The following FRAS1 variants were observed in gnomAD, a reference collection of about 807,000 sequenced individuals.
The protein encoded by FRAS1 is Fraser extracellular matrix complex subunit 1.
A neutral mutation model predicts 435.2 loss-of-function variants in FRAS1; 290 were observed. The observed-to-expected ratio is 0.67, with a 90% CI of 0.61 to 0.73. FRAS1 has a LOEUF of 0.73. Ranked by LOEUF, FRAS1 falls within the 30% of genes least tolerant of loss-of-function variation. The pLI is 0.00. For synonymous variants in FRAS1, 1,800 were observed against 1,851.0 expected (o/e 0.97, Z 0.71); for missense variants, 4,860 against 5,001.5 (o/e 0.97, Z 0.85).
intron 2 of FRAS1, among the ~76,000 whole-genome samples, chr4:78,069,255 C>T (rs1740214093): frequency 6.6e-6 from 1 of 152,180 alleles, no homozygotes; most frequent in Admixed American, 6.5e-5. Flanking sequence ...GTTTGTTCAT[C>T]TCCCAGGTGA....
intron 11 of FRAS1, among the ~76,000 whole-genome samples, chr4:78,282,322 G>A (rs941246093): frequency 2.6e-5 from 4 of 152,126 alleles, no homozygotes; most frequent in African/African-American, 9.7e-5. Context: ...TTAAAAGTAG[G>A]CCTGCAAAAG....
At chr4:78,260,183 C>G (rs1041307698) in intron 6 of FRAS1, among the ~76,000 whole-genome samples, 1 of 151,530 alleles carries the variant, frequency 6.6e-6, no homozygotes, top group Admixed American at 6.6e-5. Flanking sequence ...CTTGGCAATG[C>G]GGGCTCTTTT....
At position 78,475,497 on chromosome 4, in the gene FRAS1, T is replaced by G; in HGVS notation, c.7742T>G (p.Leu2581Arg). 3.1e-6 allele frequency: 5 copies of G among 1,613,934 alleles called. No individual in the cohort carries two copies. The highest frequency in any genetic ancestry group is 4.2e-6 in the Non-Finnish European group (5 of 1,179,834). The change falls in exon 54 of 74, where the codon CTG (leucine) becomes CGG (arginine). Residue 2581 changes from leucine to arginine, a missense_variant. Physicochemically the swap from Leu to Arg is moderately radical, Grantham distance 102 (BLOSUM62 -2). Coordinates refer to ENST00000512123, the MANE Select transcript of FRAS1 (RefSeq NM_025074.7). ...GTCACGGTGCAGAGGACTGGGAACC[T>G]GAACCAATATGCCATCGTCCTGTGT... ...VSVTVQRTGNLNQYAIVLCRT... is the reference protein window; with the variant it reads ...VSVTVQRTGNRNQYAIVLCRT...
chr4:78,528,512 T>A (rs772286950), intron 70 of FRAS1, among the ~76,000 whole-genome samples: 4 of 152,180 alleles, frequency 2.6e-5, no homozygotes, highest in Admixed American at 6.6e-5. Flanking sequence ...AATGACATCA[T>A]ACAATGTGAA....
rs897388030 is a variant in FRAS1, at chr4:78,132,880, C to A, written c.108+66864C>A. Among the ~76,000 whole-genome samples the A allele has an allele frequency of 2.6e-5, 4 of 152,112 alleles. No individual in the cohort carries two copies. In the East Asian group the frequency reaches 7.7e-4, roughly 29 times the overall value. On this transcript the variant is annotated intron_variant, in intron 2 of 73. Transcript: ENST00000512123. ...GGCCTGCATGGAAGGAATGGTTCTGCGTGTTTACATGTTTAGAGGAGCTGT... is the reference window on the plus strand; with the variant it reads ...GGCCTGCATGGAAGGAATGGTTCTGAGTGTTTACATGTTTAGAGGAGCTGT...
intron 15 of FRAS1, 56 bp from the exon 16 acceptor site, chr4:78,315,538 A>T (rs1178596957): frequency 5.8e-6 from 9 of 1,540,586 alleles, no homozygotes; most frequent in Non-Finnish European, 7.9e-6. Flanking sequence ...AATAGACTTC[A>T]CTGCTTCTTT....
intron 68 of FRAS1, 63 bp from the exon 69 acceptor site, chr4:78,522,586 G>C: frequency 9.4e-6 from 13 of 1,379,052 alleles, no homozygotes; most frequent in Non-Finnish European, 1.3e-5. Flanking sequence ...GGCTCTACCA[G>C]GTACAGTCAA....
chr4:78,328,473 CAAT>C (rs1729804824), intron 18 of FRAS1, among the ~76,000 whole-genome samples: 1 of 152,262 alleles, frequency 6.6e-6, no homozygotes, highest in South Asian at 2.1e-4. Context: ...TTTGTGTTAA[CAAT>C]ATTATTTAGC....
intron 2 of FRAS1, among the ~76,000 whole-genome samples, chr4:78,171,019 C>T (rs1400893018): frequency 2.0e-5 from 3 of 151,986 alleles, no homozygotes; most frequent in Non-Finnish European, 4.4e-5. Context: ...GTCTTAGGCA[C>T]AGTCAAGTTC....
chr4:78,242,791 T>C (rs945686717), intron 3 of FRAS1, among the ~76,000 whole-genome samples: 1 of 152,198 alleles, frequency 6.6e-6, no homozygotes. Flanking sequence ...TTTGAAGCAA[T>C]TTGTTTTGGC....
chr4:78,364,223 T>C (rs1731182383), intron 22 of FRAS1, among the ~76,000 whole-genome samples, 169 bp downstream of exon 22: 1 of 152,254 alleles, frequency 6.6e-6, no homozygotes, highest in Non-Finnish European at 1.5e-5. Flanking sequence ...TAGCAGATTA[T>C]GGCTCAGATA....
chr4:78,533,511 T>A (rs1721787674), intron 70 of FRAS1, among the ~76,000 whole-genome samples: 1 of 152,234 alleles, frequency 6.6e-6, no homozygotes, highest in Non-Finnish European at 1.5e-5. Flanking sequence ...ATATTGCTCT[T>A]CCTTCTAAGG....
At chr4:78,198,714 A>G (rs1045215719) in intron 2 of FRAS1, among the ~76,000 whole-genome samples, 1 of 152,130 alleles carries the variant, frequency 6.6e-6, no homozygotes, top group Non-Finnish European at 1.5e-5. Context: ...CCCTGAGACA[A>G]CAAGGCCAAC....
chr4:78,405,646 A>G (rs747084012), intron 30 of FRAS1, among the ~76,000 whole-genome samples: 1 of 152,194 alleles, frequency 6.6e-6, no homozygotes, highest in Admixed American at 6.5e-5. Context: ...TATGCCATCA[A>G]TTGCCCAATA....
intron 58 of FRAS1, among the ~76,000 whole-genome samples, chr4:78,488,608 T>A (rs1412203028): frequency 6.6e-6 from 1 of 152,236 alleles, no homozygotes; most frequent in Non-Finnish European, 1.5e-5. Context: ...TTTGAGATGG[T>A]GACAGCATTT....
At chr4:78,517,756 T>A (rs1721253147) in intron 66 of FRAS1, among the ~76,000 whole-genome samples, 1 of 152,194 alleles carries the variant, frequency 6.6e-6, no homozygotes, top group African/African-American at 2.4e-5. Flanking sequence ...TTTTTTCTTT[T>A]TAAAGATTAG....
chr4:78,444,516 G>A (rs1013955645), intron 41 of FRAS1, among the ~76,000 whole-genome samples: 5 of 152,106 alleles, frequency 3.3e-5, no homozygotes, highest in African/African-American at 9.7e-5. Context: ...AGAAGGGAAG[G>A]GGAAAGCCTG....
intron 63 of FRAS1, 146 bp downstream of exon 63, chr4:78,509,152 A>T: frequency 1.1e-6 from 1 of 882,120 alleles, no homozygotes; most frequent in Non-Finnish European, 1.7e-6. Context: ...TTTTACTCTT[A>T]TACATAAGAA....
intron 16 of FRAS1, among the ~76,000 whole-genome samples, chr4:78,317,006 TGTCACC>T (rs1242099071): frequency 6.6e-6 from 1 of 152,216 alleles, no homozygotes; most frequent in African/African-American, 2.4e-5. Flanking sequence ...GAATAAAGCA[TGTCACC>T]GTGGGTAAAT....
Sources: allele counts gnomAD v4.1 joint callset (sites outside exome capture counted in the v4.1 genomes callset), GRCh38; gene constraint gnomAD v4.1.1; transcripts MANE v1.5; gene names NCBI Gene and HGNC (gene_info 2026-07-23, HGNC 2026-07-21).